KIAA0513: variants seen among roughly 807,000 people sequenced by gnomAD.
KIAA0513 encodes uncharacterized protein KIAA0513.
A neutral mutation model predicts 56.5 loss-of-function variants in KIAA0513; 39 were observed. The observed-to-expected ratio is 0.69, with a 90% CI of 0.53 to 0.90. The LOEUF (loss-of-function observed/expected upper bound fraction) is 0.90, where lower values mean the gene tolerates loss of function less well. Ranked by LOEUF, KIAA0513 falls within the 40% of genes least tolerant of loss-of-function variation. KIAA0513 has a pLI of 0.00. For missense variants in KIAA0513, 591 were observed against 535.2 expected (o/e 1.10, Z -1.03); for synonymous variants, 268 against 215.6 (o/e 1.24, Z -2.13).
rs866044265 is a variant in KIAA0513, at chr16:85,030,907, A to G, written c.-173+3049A>G. 6.6e-5 allele frequency among the ~76,000 whole-genome samples: 10 copies of G among 152,220 alleles called. 1 individual carries two copies. The South Asian group carries it at 2.1e-3, about 31-fold the overall frequency. On this transcript the variant is annotated intron_variant, in intron 1 of 12. Coordinates refer to ENST00000683363, the MANE Select transcript of KIAA0513 (RefSeq NM_001388359.1). ...TTCGGCAAGTCAGTGGTATAAAACAATGGAAAGCCAAGGCAATCCCCAGCA... is the reference window on the plus strand; with the variant it reads ...TTCGGCAAGTCAGTGGTATAAAACAGTGGAAAGCCAAGGCAATCCCCAGCA...
At chr16:85,088,239 T>C in intron 12 of KIAA0513, 37 bp from the exon 13 acceptor site, 1 of 1,600,050 alleles carries the variant, frequency 6.2e-7, no homozygotes, top group Non-Finnish European at 8.6e-7. Context: ...CCTGTCACTG[T>C]CTTTCATCTG....
At chr16:85,054,881 G>A (rs2073306325) in intron 1 of KIAA0513, among the ~76,000 whole-genome samples, 1 of 152,134 alleles carries the variant, frequency 6.6e-6, no homozygotes, top group South Asian at 2.1e-4. Context: ...TTCGCTTTGT[G>A]AGGGTTCATT....
At chr16:85,078,846 TG>T in intron 7 of KIAA0513, 78 bp from the exon 8 acceptor site, 1 of 1,470,290 alleles carries the variant, frequency 6.8e-7, no homozygotes, top group Non-Finnish European at 9.5e-7. Flanking sequence ...AACTGGCTGC[TG>T]GGAGGCTGTC....
Position 85,058,226 on chromosome 16 carries a change from C to T in KIAA0513, c.-172-8674C>T, listed in dbSNP as rs908821739. Among the ~76,000 whole-genome samples the T allele has an allele frequency of 2.0e-4, 31 of 152,344 alleles. 1 individual carries two copies. The highest frequency in any genetic ancestry group is 5.8e-4 in the African/African-American group (24 of 41,582). On this transcript the variant is annotated intron_variant, in intron 1 of 12. Transcript: ENST00000683363. ...TGGCACTGGAGGAGAGGCACCCTCA[C>T]GGGCATGTTCACTGTCACGCCTCAT...
At chr16:85,056,179 C>G (rs904632477) in intron 1 of KIAA0513, among the ~76,000 whole-genome samples, 7 of 152,236 alleles carry the variant, frequency 4.6e-5, no homozygotes, top group Non-Finnish European at 8.8e-5. Flanking sequence ...GACGGCACGA[C>G]GGTCTGCAGT....
rs1001541922 is a variant in KIAA0513 at position 85,076,540 on chromosome 16, G to A, written c.574+626G>A. Among the ~76,000 whole-genome samples the A allele has an allele frequency of 2.0e-5, 3 of 152,268 alleles. No homozygotes were observed. Among genetic ancestry groups the A allele is most frequent in the East Asian group, 1.9e-4 (1 of 5,176 alleles). ...GTGGGAGGTTGCTGGAAGCCTCCTC[G>A]TGGACTGGAGCTAGGTCAGGGAGGT... On this transcript the variant is annotated intron_variant, in intron 5 of 12. Coordinates refer to ENST00000683363, the MANE Select transcript of KIAA0513 (RefSeq NM_001388359.1). The surrounding 1 kb of genome is among the most constrained non-coding windows in gnomAD (Gnocchi z 4.7).
In KIAA0513 at chr16:85,050,344, TTTA is replaced by T. The variant is rs1445133916; in HGVS notation, c.-172-16553_-172-16551del. ...TGATTGATATTTATTTATTTATTTATTTATTTATTTATTTATTTTTTTTGAGAC... is the reference window on the plus strand; with the variant it reads ...TGATTGATATTTATTTATTTATTTATTTTATTTATTTATTTTTTTTGAGAC... On this transcript the variant is annotated intron_variant, in intron 1 of 12. Transcript: ENST00000683363. 2.1e-3 allele frequency among the ~76,000 whole-genome samples: 226 copies of T among 107,106 alleles called. 1 individual carries two copies. The highest frequency in any genetic ancestry group is 7.2e-3 in the African/African-American group (155 of 21,386). The allele number at this position is 107,106 out of a possible 152,430, so 70.3% of individuals were successfully genotyped here. A position where few individuals can be genotyped will look rare whatever the true frequency, so the allele number is the denominator to read the frequency against.
At chr16:85,057,182 C>A (rs1406975636) in intron 1 of KIAA0513, among the ~76,000 whole-genome samples, 3 of 152,128 alleles carry the variant, frequency 2.0e-5, no homozygotes, top group Admixed American at 6.5e-5. Flanking sequence ...TTGTAAACCC[C>A]CTGTGGTCAG....
intron 1 of KIAA0513, among the ~76,000 whole-genome samples, chr16:85,046,150 C>A (rs1457307564): frequency 1.3e-5 from 2 of 152,176 alleles, no homozygotes; most frequent in African/African-American, 2.4e-5. Flanking sequence ...TATAGAGAGC[C>A]GAGTAGGAGT....
intron 1 of KIAA0513, among the ~76,000 whole-genome samples, chr16:85,065,335 C>G (rs1355916202): frequency 1.3e-5 from 2 of 152,216 alleles, no homozygotes. Context: ...ACTCCTTGCT[C>G]TCCAGGTCCC....
chr16:85,030,976 C>G (rs534741838), intron 1 of KIAA0513, among the ~76,000 whole-genome samples: 19 of 151,700 alleles, frequency 1.3e-4, no homozygotes, highest in African/African-American at 4.4e-4. Context: ...GTGATAGTTC[C>G]AATCTACTCC....
chr16:85,082,172 G>A (rs961000701), intron 9 of KIAA0513, among the ~76,000 whole-genome samples: 6 of 152,322 alleles, frequency 3.9e-5, no homozygotes, highest in Middle Eastern at 3.4e-3. Flanking sequence ...AGCACTTGCC[G>A]TGTCTCAAGT....
intron 1 of KIAA0513, among the ~76,000 whole-genome samples, chr16:85,056,346 C>T (rs2073329348): frequency 6.6e-6 from 1 of 152,202 alleles, no homozygotes. Flanking sequence ...TTTCAAACGC[C>T]CTGGAAGTTA....
In KIAA0513 at chr16:85,075,577, T is replaced by G. The variant is rs117383633; in HGVS notation, c.504-267T>G. ...CCTGGCTCTGCTCCTGGGCGTCAAG[T>G]TGAGCTTCCCAGGCCTGGGCTTTCA... On this transcript the variant is annotated intron_variant, in intron 4 of 12. Coordinates refer to ENST00000683363, the MANE Select transcript of KIAA0513 (RefSeq NM_001388359.1). 6.6e-5 allele frequency among the ~76,000 whole-genome samples: 10 copies of G among 152,288 alleles called. No individual in the cohort carries two copies. In the East Asian group the frequency reaches 1.7e-3, roughly 26 times the overall value.
At chr16:85,045,198 G>A (rs572825324) in intron 1 of KIAA0513, among the ~76,000 whole-genome samples, 5 of 152,286 alleles carry the variant, frequency 3.3e-5, no homozygotes, top group South Asian at 4.1e-4. Context: ...AGTCAGATGC[G>A]TTTCTGGACA....
At chr16:85,052,747 G>A (rs1002535970) in intron 1 of KIAA0513, among the ~76,000 whole-genome samples, 1 of 152,160 alleles carries the variant, frequency 6.6e-6, no homozygotes, top group Non-Finnish European at 1.5e-5. Flanking sequence ...GGGGGCAGGT[G>A]CTTTTGTCCG....
chr16:85,051,835 TA>T (rs1198250591), intron 1 of KIAA0513, among the ~76,000 whole-genome samples: 1 of 151,460 alleles, frequency 6.6e-6, no homozygotes, highest in Non-Finnish European at 1.5e-5. Flanking sequence ...TTTTTTTTTT[TA>T]AGAGACGGGG....
In KIAA0513 at chr16:85,086,649, A is replaced by G. The variant is rs201590291; in HGVS notation, c.1016A>G (p.Lys339Arg). ...GTCACCTCCTGTGCTTGCAGGGAGAAGTGGTGCCACATGACCCAGGAGGAG... is the reference window on the plus strand; with the variant it reads ...GTCACCTCCTGTGCTTGCAGGGAGAGGTGGTGCCACATGACCCAGGAGGAG... ...DAGEEEEKRE[K>R]WCHMTQEERD... Residue 339 changes from lysine (K) to arginine (R), a missense_variant, in exon 11 of 13, where the codon AAG becomes AGG. Coordinates refer to ENST00000683363, the MANE Select transcript of KIAA0513 (RefSeq NM_001388359.1). 2 of 1,613,218 alleles carry G rather than the reference A, an allele frequency of 1.2e-6. No individual in the cohort carries two copies. The highest frequency in any genetic ancestry group is 2.7e-5 in the African/African-American group (2 of 74,918).
intron 4 of KIAA0513, among the ~76,000 whole-genome samples, chr16:85,073,676 G>C (rs2073612636): frequency 6.6e-6 from 1 of 152,230 alleles, no homozygotes; most frequent in African/African-American, 2.4e-5. Flanking sequence ...CCTTGGGGAG[G>C]CTGGGCAGTG....
Sources: gnomAD v4.1 joint callset for allele counts (sites outside exome capture counted in the v4.1 genomes callset) on GRCh38, gnomAD v4.1.1 for gene constraint, Gnocchi (gnomAD v3.1) non-coding constraint, MANE v1.5 for transcripts, NCBI Gene and HGNC (gene_info 2026-07-23, HGNC 2026-07-21) for gene names.